ARL6: variants seen among roughly 807,000 people sequenced by gnomAD.
ARL6 encodes ARF like GTPase 6.
ARL6 carries 18 observed loss-of-function variants against 27.1 expected under a neutral mutation model. The observed-to-expected ratio is 0.66, with a 90% CI of 0.46 to 0.98. The LOEUF (loss-of-function observed/expected upper bound fraction) is 0.98, where lower values mean the gene tolerates loss of function less well. ARL6 is among the 50% of genes least tolerant of loss of function. The pLI, the probability that ARL6 is intolerant of heterozygous loss-of-function variation, is 0.00. For synonymous variants in ARL6, 65 were observed against 72.3 expected (o/e 0.90, Z 0.51); for missense variants, 187 against 214.9 (o/e 0.87, Z 0.81).
In ARL6 at chr3:97,768,228, A is replaced by G. The variant is rs201618364; in HGVS notation, c.121A>G (p.Asn41Asp). 53 of 1,612,194 alleles carry G rather than the reference A, an allele frequency of 3.3e-5. No homozygotes were observed. The highest frequency in any genetic ancestry group is 1.3e-5 in the African/African-American group (1 of 74,882). ...TTIINKLKPS[N>D]AQSQNILPTI... The stretch of plus-strand genomic sequence containing the variant: ...GATCATTAACAAACTTAAACCTTCA[A>G]ATGTAAGTATCTTTGTTAGATGCTT... The change falls in exon 2 of 8, where the codon AAT becomes GAT. Residue 41 changes from asparagine (N) to aspartate (D), a missense_variant and splice_region_variant. By Grantham distance (23) the Asn-to-Asp change is conservative (BLOSUM62 1). Transcript: ENST00000463745.
At chr3:97,786,343 A>C (rs2037458299) in intron 5 of ARL6, among the ~76,000 whole-genome samples, 1 of 152,084 alleles carries the variant, frequency 6.6e-6, no homozygotes, top group South Asian at 2.1e-4. Flanking sequence ...CAAAAAAAAA[A>C]ACAAAAAACT....
At chr3:97,773,455 C>T (rs1313991127) in intron 2 of ARL6, among the ~76,000 whole-genome samples, 1 of 152,112 alleles carries the variant, frequency 6.6e-6, no homozygotes, top group Non-Finnish European at 1.5e-5. Context: ...AGTTGACACT[C>T]AGTATTAACC....
intron 5 of ARL6, among the ~76,000 whole-genome samples, chr3:97,787,195 A>G (rs891551997): frequency 2.7e-4 from 41 of 152,302 alleles, no homozygotes; most frequent in African/African-American, 9.9e-4. Flanking sequence ...ATAGTACTAA[A>G]AGAAGAAATA....
intron 6 of ARL6, among the ~76,000 whole-genome samples, chr3:97,790,450 CAG>C: frequency 6.6e-6 from 1 of 152,020 alleles, no homozygotes; most frequent in East Asian, 1.9e-4. Flanking sequence ...TCATATCACA[CAG>C]GGCCAAGATT....
chr3:97,780,260 A>C, intron 3 of ARL6, 40 bp downstream of exon 3: 1 of 1,484,988 alleles, frequency 6.7e-7, no homozygotes. Flanking sequence ...TTGCTAGTGA[A>C]AAATAACAAT....
chr3:97,768,016 A>C (rs1220827498), intron 1 of ARL6, 65 bp from the exon 2 acceptor site: 7 of 1,406,410 alleles, frequency 5.0e-6, no homozygotes, highest in Non-Finnish European at 7.0e-6. Context: ...TTTTTAATAC[A>C]CCTACCAATA....
At chr3:97,793,562 GTTCTCCATCCCTTC>G (rs1173688952) in intron 7 of ARL6, among the ~76,000 whole-genome samples, 1 of 151,922 alleles carries the variant, frequency 6.6e-6, no homozygotes, top group Non-Finnish European at 1.5e-5. Flanking sequence ...TTAAAGTGTG[GTTCTCCATCCCTTC>G]TTTTCTGGTT....
chr3:97,765,211 G>GGTGT (rs71113866), intron 1 of ARL6, among the ~76,000 whole-genome samples: 10,802 of 105,332 alleles, frequency 0.1, 356 homozygotes, highest in Middle Eastern at 0.22. Flanking sequence ...GTGTATTGGG[G>GGTGT]GTGTGTGTGT....
chr3:97,794,219 T>TGTG (rs1400201926), intron 7 of ARL6, among the ~76,000 whole-genome samples: 59 of 75,100 alleles, frequency 7.9e-4, no homozygotes, highest in African/African-American at 2.1e-3. Flanking sequence ...GTGTGTGTGT[T>TGTG]TTTGAGATGG....
intron 6 of ARL6, among the ~76,000 whole-genome samples, chr3:97,789,598 G>A (rs1331283070): frequency 6.6e-6 from 1 of 152,068 alleles, no homozygotes; most frequent in East Asian, 1.9e-4. Flanking sequence ...TATTTTGCCA[G>A]TTGCTAGATT....
chr3:97,785,487 C>CATATAT (rs5851081), intron 5 of ARL6, among the ~76,000 whole-genome samples: 55 of 145,900 alleles, frequency 3.8e-4, no homozygotes, highest in African/African-American at 1.3e-3. Context: ...CATATTTATT[C>CATATAT]ATATATATAT....
At chr3:97,778,483 T>C (rs2037017786) in intron 2 of ARL6, among the ~76,000 whole-genome samples, 1 of 152,158 alleles carries the variant, frequency 6.6e-6, no homozygotes, top group South Asian at 2.1e-4. Flanking sequence ...TTCCCAGAAG[T>C]AGACTACCAG....
intron 2 of ARL6, among the ~76,000 whole-genome samples, chr3:97,779,949 TTAA>T (rs1270661935): frequency 1.3e-5 from 2 of 152,036 alleles, no homozygotes; most frequent in Non-Finnish European, 2.9e-5. Flanking sequence ...CAAATGTGAA[TTAA>T]TATTATGCAG....
At position 97,777,473 on chromosome 3, in the gene ARL6, C is replaced by G. The variant is rs567045038; in HGVS notation, c.124-2686C>G. Among the ~76,000 whole-genome samples, 6 of 152,112 alleles carry G rather than the reference C, an allele frequency of 3.9e-5. No homozygotes were observed. In the South Asian group the frequency reaches 1.0e-3, roughly 26 times the overall value. On this transcript the variant is annotated intron_variant, in intron 2 of 7. Coordinates refer to ENST00000463745, the MANE Select transcript of ARL6 (RefSeq NM_001278293.3). ...CTAGATTACTAATAATACTTTAATA[C>G]AATATAAATACTATGTAAATAGTGT...
intron 2 of ARL6, among the ~76,000 whole-genome samples, chr3:97,777,635 A>G (rs2036975831): frequency 6.6e-6 from 1 of 152,170 alleles, no homozygotes; most frequent in Non-Finnish European, 1.5e-5. Context: ...TGTAATTCCT[A>G]TACTCTTTGT....
chr3:97,778,107 T>C (rs1315778579), intron 2 of ARL6, among the ~76,000 whole-genome samples: 3 of 152,260 alleles, frequency 2.0e-5, no homozygotes, highest in Non-Finnish European at 4.4e-5. Flanking sequence ...TAGCTGATGA[T>C]TTTTTCACAA....
In ARL6 at chr3:97,799,552, A is replaced by G. The variant is rs960172214; in HGVS notation, c.*1503A>G. ...ATTTTTTAAAAAACTGATATGCTAC[A>G]ACTATTTTAGGATGGAGAAAGAATT... On this transcript the variant is annotated 3_prime_UTR_variant, in exon 8 of 8. Coordinates refer to ENST00000463745, the MANE Select transcript of ARL6 (RefSeq NM_001278293.3). 5 of 152,234 alleles carry G rather than the reference A, an allele frequency of 3.3e-5. No individual in the cohort carries two copies. The East Asian group carries it at 9.7e-4, about 29-fold the overall frequency. The allele number at this position is 152,234 out of a possible 1,614,324, so 9.4% of individuals were successfully genotyped here.
intron 7 of ARL6, among the ~76,000 whole-genome samples, chr3:97,794,673 G>A (rs1331809986): frequency 6.6e-6 from 1 of 152,184 alleles, no homozygotes; most frequent in East Asian, 1.9e-4. Context: ...TGTGAATGTA[G>A]CTGTGAAGGG....
intron 6 of ARL6, 102 bp downstream of exon 6, chr3:97,788,221 T>A (rs2037554039): frequency 8.2e-7 from 1 of 1,214,752 alleles, no homozygotes; most frequent in Non-Finnish European, 1.2e-6. Context: ...TGATCAAACA[T>A]GGTGGCATAT....
Sources: allele counts gnomAD v4.1 joint callset (sites outside exome capture counted in the v4.1 genomes callset), GRCh38; gene constraint gnomAD v4.1.1; transcripts MANE v1.5; gene names NCBI Gene and HGNC (gene_info 2026-07-23, HGNC 2026-07-21).